DSP: variants seen among roughly 807,000 people sequenced by gnomAD.
The protein encoded by DSP is 250/210 kDa paraneoplastic pemphigus antigen.
DSP carries 114 observed loss-of-function variants against 290.6 expected under a neutral mutation model. That is an observed-to-expected ratio of 0.39 (90% CI 0.34 to 0.46). DSP has a LOEUF of 0.46. Ranked by LOEUF, DSP falls within the 20% of genes least tolerant of loss-of-function variation. The pLI, the probability that DSP is intolerant of heterozygous loss-of-function variation, is 0.99. For synonymous variants in DSP, 1,311 were observed against 1,316.4 expected (o/e 1.00, Z 0.09); for missense variants, 3,230 against 3,495.8 (o/e 0.92, Z 1.92).
Position 7,585,761 on chromosome 6 carries a change from T to A in DSP, c.8499T>A (p.Ser2833=), listed in dbSNP as rs1468666445. 1 of 1,607,512 alleles carries A rather than the reference T, an allele frequency of 6.2e-7. No homozygotes were observed. Among genetic ancestry groups the A allele is most frequent in the Non-Finnish European group, 8.5e-7 (1 of 1,176,418 alleles). Reference sequence around the variant, plus strand: ...CCCGCTCCGGCTCCCGCTCGGGATCTCGCTCCGGATCTCGCTCCGGGTCCC... The same window carrying A: ...CCCGCTCCGGCTCCCGCTCGGGATCACGCTCCGGATCTCGCTCCGGGTCCC... ...PGSRSGSRSG[S]RSGSRSGSRS... The change falls in exon 24 of 24, where the codon TCT becomes TCA. Residue 2833 remains serine, a synonymous_variant. Coordinates refer to ENST00000379802, the MANE Select transcript of DSP (RefSeq NM_004415.4).
At position 7,583,889 on chromosome 6, in the gene DSP, C is replaced by T; in HGVS notation, c.6627C>T (p.Ser2209=). 1 of 1,614,106 alleles carries T rather than the reference C, an allele frequency of 6.2e-7. No homozygotes were observed. The highest frequency in any genetic ancestry group is 8.5e-7 in the Non-Finnish European group (1 of 1,180,014). ...LLLSVQKRSM[S]FQGIRQPVTV... Reference sequence around the variant, plus strand: ...TTTCAGTACAGAAGAGAAGCATGTCCTTCCAAGGAATCAGACAACCTGTGA... The same window carrying T: ...TTTCAGTACAGAAGAGAAGCATGTCTTTCCAAGGAATCAGACAACCTGTGA... Residue 2209 remains serine (S), a synonymous_variant, in exon 24 of 24, where the codon TCC becomes TCT. Coordinates refer to ENST00000379802, the MANE Select transcript of DSP (RefSeq NM_004415.4). This position sits in a 1 kb window ranked among gnomAD's most constrained non-coding sequence, Gnocchi z 4.0.
intron 15 of DSP, 32 bp from the exon 16 acceptor site, chr6:7,574,053 TA>T (rs1334602630): frequency 6.2e-7 from 1 of 1,612,750 alleles, no homozygotes; most frequent in African/African-American, 1.3e-5. Context: ...AAGAATCAGC[TA>T]AATCAAAAGA....
chr6:7,582,451 C>T lies in DSP; in HGVS notation c.5380-191C>T, dbSNP rs1759468099. On this transcript the variant is annotated intron_variant, in intron 23 of 23. Coordinates refer to ENST00000379802, the MANE Select transcript of DSP (RefSeq NM_004415.4). This position sits in a 1 kb window ranked among gnomAD's most constrained non-coding sequence, Gnocchi z 4.2. ...ATGAAGCCATTTATTGAAGTGGCAA[C>T]ATATACAGAATTTTTCCCACAAATT... Among the ~76,000 whole-genome samples, 1 of 151,236 alleles carries T rather than the reference C, an allele frequency of 6.6e-6. No individual in the cohort carries two copies. The highest frequency in any genetic ancestry group is 2.1e-4 in the South Asian group (1 of 4,806).
intron 1 of DSP, among the ~76,000 whole-genome samples, chr6:7,554,115 ACACACACACACC>A (rs1243647325): frequency 6.6e-6 from 1 of 151,512 alleles, no homozygotes; most frequent in African/African-American, 2.4e-5. Flanking sequence ...ACACACACAC[ACACACACACACC>A]CAGTTGGTTA....
In DSP at chr6:7,565,914, A is replaced by G; in HGVS notation, c.939+394A>G. Reference sequence around the variant, plus strand: ...TCGTGGGTGATGAAATAACCTGTACAACAAATCCCTGTGATACAAGTTTAC... The same window carrying G: ...TCGTGGGTGATGAAATAACCTGTACGACAAATCCCTGTGATACAAGTTTAC... On this transcript the variant is annotated intron_variant, in intron 7 of 23. Coordinates refer to ENST00000379802, the MANE Select transcript of DSP (RefSeq NM_004415.4). This position sits in a 1 kb window ranked among gnomAD's most constrained non-coding sequence, Gnocchi z 4.2. 2.9e-6 allele frequency: 1 copy of G among 340,758 alleles called. No individual in the cohort carries two copies. Among genetic ancestry groups the G allele is most frequent in the Non-Finnish European group, 5.6e-6 (1 of 178,960 alleles). 21.1% of individuals were successfully genotyped at this position (340,758 alleles called of 1,614,324 possible).
At position 7,578,570 on chromosome 6, in the gene DSP, A is replaced by G; in HGVS notation, c.3084+8A>G. ...AGTTTGGAAGATCTGAAGGTAATTT[A>G]TACTGTCTTTTCTTGTAGCGTCAAA... On this transcript the variant is annotated splice_region_variant and intron_variant, in intron 22 of 23. Coordinates refer to ENST00000379802, the MANE Select transcript of DSP (RefSeq NM_004415.4). 1 of 1,605,208 alleles carries G rather than the reference A, an allele frequency of 6.2e-7. No homozygotes were observed. Among genetic ancestry groups the G allele is most frequent in the Non-Finnish European group, 8.5e-7 (1 of 1,172,154 alleles).
rs776818826 is a variant in DSP, at chr6:7,541,926, A to G, written c.11A>G (p.Asn4Ser). Residue 4 changes from asparagine (N) to serine (S), a missense_variant, in exon 1 of 24, where the codon AAC becomes AGC. Asn to Ser is a conservative substitution (Grantham distance 46). This residue lies in a region of DSP where 646 missense variants were observed against 684.3 expected (regional missense o/e 0.94). Coordinates refer to ENST00000379802, the MANE Select transcript of DSP (RefSeq NM_004415.4). MSC[N>S]GGSHPRINTL... ...CGATTGCCCGCCGACATGAGCTGCA[A>G]CGGAGGCTCCCACCCGCGGATCAAC... 4 of 1,610,190 alleles carry G rather than the reference A, an allele frequency of 2.5e-6. No homozygotes were observed. The highest frequency in any genetic ancestry group is 2.5e-6 in the Non-Finnish European group (3 of 1,179,066).
chr6:7,577,705 T>C, intron 20 of DSP, 74 bp from the exon 21 acceptor site: 2 of 1,205,660 alleles, frequency 1.7e-6, no homozygotes, highest in Non-Finnish European at 2.5e-6. Context: ...GATTTAAAAC[T>C]GTGGAACTGT....
intron 15 of DSP, 67 bp from the exon 16 acceptor site, chr6:7,574,019 A>G (rs1759145517): frequency 1.3e-6 from 2 of 1,548,482 alleles, no homozygotes; most frequent in Non-Finnish European, 1.8e-6. Context: ...CATATTGTAC[A>G]CCTTAAATAT....
chr6:7,552,284 G>A lies in DSP; in HGVS notation c.171-3434G>A, dbSNP rs577932583. ...ATCAGGAACATATGAGACAGGGCGCGGTGGCTCACGCCTGTAATCCTAACA... is the reference window on the plus strand; with the variant it reads ...ATCAGGAACATATGAGACAGGGCGCAGTGGCTCACGCCTGTAATCCTAACA... On this transcript the variant is annotated intron_variant, in intron 1 of 23. Transcript: ENST00000379802. Among the ~76,000 whole-genome samples, 3 of 152,172 alleles carry A rather than the reference G, an allele frequency of 2.0e-5. No homozygotes were observed. In the East Asian group the frequency reaches 5.8e-4, roughly 29 times the overall value.
intron 15 of DSP, among the ~76,000 whole-genome samples, chr6:7,573,342 G>T (rs1409799391): frequency 6.6e-6 from 1 of 152,146 alleles, no homozygotes; most frequent in Non-Finnish European, 1.5e-5. Context: ...ACTTTGGGAG[G>T]CCGAGGCGGG....
rs1333289164 is a variant in DSP, at chr6:7,545,520, C to T, written c.170+3435C>T. On this transcript the variant is annotated intron_variant, in intron 1 of 23. Coordinates refer to ENST00000379802, the MANE Select transcript of DSP (RefSeq NM_004415.4). ...CTGTAATTACACCATGCAAGTATCT[C>T]AAATTCCATTAATTCCTTAATTCAG... Among the ~76,000 whole-genome samples the T allele has an allele frequency of 1.3e-5, 2 of 152,222 alleles. 1 individual carries two copies. The highest frequency in any genetic ancestry group is 3.8e-4 in the East Asian group (2 of 5,196).
intron 1 of DSP, among the ~76,000 whole-genome samples, chr6:7,552,105 A>G (rs1037032578): frequency 6.6e-6 from 1 of 152,152 alleles, no homozygotes; most frequent in Non-Finnish European, 1.5e-5. Flanking sequence ...ACAAATAATG[A>G]TATCAAAGAT....
In DSP at chr6:7,574,126, A is replaced by G. The variant is rs757299922; in HGVS notation, c.2171A>G (p.Asn724Ser). ...NDSQAIAEVL[N>S]QLKDMLANFR... ...TCACAAGCAATTGCTGAGGTTCTCA[A>G]CCAGCTTAAAGATATGCTTGCCAAC... Residue 724 changes from asparagine (N) to serine (S), a missense_variant, in exon 16 of 24, where the codon AAC (asparagine) becomes AGC (serine). Around this residue, in one of 5 missense-constraint regions of DSP, gnomAD observed 1,714 missense variants for 1,844.5 expected, o/e 0.93. Coordinates refer to ENST00000379802, the MANE Select transcript of DSP (RefSeq NM_004415.4). 7.4e-6 allele frequency: 12 copies of G among 1,614,118 alleles called. No homozygotes were observed. The highest frequency in any genetic ancestry group is 1.3e-5 in the African/African-American group (1 of 75,044).
Position 7,567,867 on chromosome 6 carries a change from G to T in DSP, c.1227G>T (p.Met409Ile). ...IRKKYPCDKN[M>I]PLQHLLEQIK... ...AGAAGTACCCCTGCGACAAGAACAT[G>T]CCCCTGCAGCACCTGCTGGAACAGA... is the stretch of plus-strand genomic sequence containing the variant. Residue 409 changes from methionine to isoleucine, a missense_variant, in exon 10 of 24, where the codon ATG (methionine) becomes ATT (isoleucine). Physicochemically the swap from Met to Ile is conservative, Grantham distance 10 (BLOSUM62 1). This residue lies in a region of DSP where 646 missense variants were observed against 684.3 expected (regional missense o/e 0.94). Coordinates refer to ENST00000379802, the MANE Select transcript of DSP (RefSeq NM_004415.4). 8 of 1,614,014 alleles carry T rather than the reference G, an allele frequency of 5.0e-6. No individual in the cohort carries two copies. Among genetic ancestry groups the T allele is most frequent in the Non-Finnish European group, 6.8e-6 (8 of 1,179,956 alleles).
intron 6 of DSP, among the ~76,000 whole-genome samples, chr6:7,564,920 G>A (rs917309833): frequency 3.3e-5 from 5 of 152,266 alleles, no homozygotes; most frequent in African/African-American, 7.2e-5. Flanking sequence ...CGAGGTGGGC[G>A]GATCATCTGA....
At chr6:7,554,614 CAT>C (rs1336570929) in intron 1 of DSP, among the ~76,000 whole-genome samples, 1 of 151,926 alleles carries the variant, frequency 6.6e-6, no homozygotes, top group Non-Finnish European at 1.5e-5. Context: ...TTAAAAAAAA[CAT>C]TATTGTCTTT....
chr6:7,548,814 G>A (rs1224279152), intron 1 of DSP, among the ~76,000 whole-genome samples: 8 of 152,180 alleles, frequency 5.3e-5, no homozygotes. Flanking sequence ...TCAGGGTAAT[G>A]AGATGAGCCA....
At chr6:7,569,517 T>A (rs1758978808) in intron 12 of DSP, among the ~76,000 whole-genome samples, 177 bp downstream of exon 12, 1 of 152,208 alleles carries the variant, frequency 6.6e-6, no homozygotes, top group South Asian at 2.1e-4. Flanking sequence ...TTATGTTGAA[T>A]AGACAGTCGT....
Sources: gnomAD v4.1 joint callset for allele counts (sites outside exome capture counted in the v4.1 genomes callset) on GRCh38, gnomAD v4.1.1 for gene constraint, gnomAD v4.1.1 regional missense constraint, Gnocchi (gnomAD v3.1) non-coding constraint, MANE v1.5 for transcripts, NCBI Gene and HGNC (gene_info 2026-07-23, HGNC 2026-07-21) for gene names.